ABAT: variants seen among roughly 807,000 people sequenced by gnomAD.
ABAT encodes the protein 4-aminobutyrate aminotransferase, mitochondrial.
In ABAT, 45 loss-of-function variants were observed where a neutral mutation model predicts 64.6. The ratio of observed to expected loss-of-function variants is 0.70; its 90% CI spans 0.55 to 0.89. The LOEUF (loss-of-function observed/expected upper bound fraction) is 0.89, where lower values mean the gene tolerates loss of function less well. Among genes scored for constraint, ABAT ranks in the 40% least tolerant of loss-of-function variants. The pLI is 0.00. For synonymous variants in ABAT, 297 were observed against 250.5 expected (o/e 1.19, Z -1.75); for missense variants, 633 against 658.4 (o/e 0.96, Z 0.42).
At chr16:8,695,325 T>C (rs917308870) in intron 1 of ABAT, among the ~76,000 whole-genome samples, 1 of 152,352 alleles carries the variant, frequency 6.6e-6, no homozygotes, top group African/African-American at 2.4e-5. Context: ...AGATGGTTCA[T>C]ACTGGTTAAG....
chr16:8,712,947 C>G (rs538295740), intron 1 of ABAT: 6 of 152,432 alleles, frequency 3.9e-5, no homozygotes, highest in Admixed American at 2.0e-4. Context: ...CTCTGCCCCC[C>G]CAACCCCATA....
intron 6 of ABAT, among the ~76,000 whole-genome samples, chr16:8,758,390 C>A (rs1476425610): frequency 1.3e-5 from 2 of 152,076 alleles, no homozygotes; most frequent in African/African-American, 4.8e-5. Context: ...TCTGGCAGGC[C>A]ACGAGTCGGG....
intron 1 of ABAT, among the ~76,000 whole-genome samples, chr16:8,686,005 C>T (rs550513627): frequency 4.0e-4 from 61 of 152,280 alleles, no homozygotes; most frequent in Admixed American, 1.6e-3. Context: ...ACAGCCAATC[C>T]CAGGGGCAGA....
chr16:8,744,308 G>C (rs539573975), intron 2 of ABAT, among the ~76,000 whole-genome samples: 1 of 152,056 alleles, frequency 6.6e-6, no homozygotes, highest in Admixed American at 6.6e-5. Context: ...GAAGGCAAAG[G>C]GCAAGCGAGG....
chr16:8,750,077 T>G (rs2059435322), intron 4 of ABAT, among the ~76,000 whole-genome samples: 1 of 152,254 alleles, frequency 6.6e-6, no homozygotes, highest in African/African-American at 2.4e-5. Flanking sequence ...TTTTATTTCT[T>G]TAATGATTAC....
At chr16:8,697,667 G>C (rs141924077) in intron 1 of ABAT, among the ~76,000 whole-genome samples, 3,313 of 151,012 alleles carry the variant, frequency 0.022, 110 homozygotes, top group African/African-American at 0.076. Context: ...ATGGGGTCTT[G>C]CTCTGTCACC....
At chr16:8,768,469 C>T (rs908254303) in intron 10 of ABAT, among the ~76,000 whole-genome samples, 5 of 152,116 alleles carry the variant, frequency 3.3e-5, no homozygotes, top group Admixed American at 6.6e-5. Flanking sequence ...GTGACAGAGC[C>T]GGGACTGGAA....
At chr16:8,716,498 G>GT (rs1241047838) in intron 1 of ABAT, among the ~76,000 whole-genome samples, 1 of 152,088 alleles carries the variant, frequency 6.6e-6, no homozygotes, top group African/African-American at 2.4e-5. Context: ...CCTGAAGGGT[G>GT]TTTTTTCTTC....
At position 8,776,407 on chromosome 16, in the gene ABAT, A is replaced by G. The variant is rs150914629; in HGVS notation, c.1186A>G (p.Ile396Val). The change falls in exon 14 of 16, where the codon ATC becomes GTC. Residue 396 changes from isoleucine to valine, a missense_variant. By Grantham distance (29) the Ile-to-Val change is conservative. Transcript: ENST00000268251. The surrounding 1 kb of genome is among the most constrained non-coding windows in gnomAD (Gnocchi z 4.4). ...PSKNLLLAEVINIIKREDLLN... is the reference protein window; with the variant it reads ...PSKNLLLAEVVNIIKREDLLN... The stretch of plus-strand genomic sequence containing the variant: ...CAAGAACCTGTTGCTGGCTGAGGTC[A>G]TCAACATCATCAAGCGGGAGGACCT... 329 of 1,614,202 alleles carry G rather than the reference A, an allele frequency of 2.0e-4. 1 individual carries two copies. In the African/African-American group the frequency reaches 3.9e-3, roughly 19 times the overall value.
intron 5 of ABAT, among the ~76,000 whole-genome samples, chr16:8,753,732 G>C (rs943351486): frequency 6.6e-6 from 1 of 152,098 alleles, no homozygotes; most frequent in Non-Finnish European, 1.5e-5. Flanking sequence ...TCAGTCTTGG[G>C]GCCAGCGTGT....
chr16:8,722,601 T>C (rs908150147), intron 1 of ABAT, among the ~76,000 whole-genome samples: 1 of 152,042 alleles, frequency 6.6e-6, no homozygotes. Flanking sequence ...GGGAAATGCA[T>C]GGGGGAGATT....
At chr16:8,733,634 G>C (rs577819821) in intron 1 of ABAT, among the ~76,000 whole-genome samples, 7 of 152,004 alleles carry the variant, frequency 4.6e-5, no homozygotes, top group South Asian at 2.1e-4. Flanking sequence ...GCTGGAGACC[G>C]GCCTGGCCAA....
intron 5 of ABAT, among the ~76,000 whole-genome samples, chr16:8,751,513 A>G (rs1320184161): frequency 6.6e-6 from 1 of 152,174 alleles, no homozygotes; most frequent in African/African-American, 2.4e-5. Context: ...AGAACTATCC[A>G]CAGCCTGACC....
intron 5 of ABAT, among the ~76,000 whole-genome samples, chr16:8,755,048 C>G (rs867553759): frequency 6.6e-6 from 1 of 152,186 alleles, no homozygotes; most frequent in African/African-American, 2.4e-5. Context: ...GCTTCTTACT[C>G]TTTGGGGCAC....
intron 1 of ABAT, among the ~76,000 whole-genome samples, chr16:8,680,904 A>G (rs1012680617): frequency 1.3e-4 from 20 of 151,786 alleles, no homozygotes; most frequent in African/African-American, 4.8e-4. Flanking sequence ...CCATTTTTGA[A>G]TTGAGTTGTC....
intron 1 of ABAT, among the ~76,000 whole-genome samples, chr16:8,690,080 A>G (rs185007226): frequency 2.0e-5 from 3 of 152,322 alleles, no homozygotes; most frequent in African/African-American, 7.2e-5. Context: ...CCCTGGAGTG[A>G]CACATCAGTT....
At chr16:8,708,258 A>G (rs2057992785) in intron 1 of ABAT, among the ~76,000 whole-genome samples, 1 of 152,050 alleles carries the variant, frequency 6.6e-6, no homozygotes. Context: ...CAGACTTTTT[A>G]ACTCAAGAGA....
At chr16:8,706,874 A>G (rs557138145) in intron 1 of ABAT, among the ~76,000 whole-genome samples, 1 of 152,272 alleles carries the variant, frequency 6.6e-6, no homozygotes, top group African/African-American at 2.4e-5. Context: ...TTGCGACCTG[A>G]GTGATTCCTA....
intron 1 of ABAT, among the ~76,000 whole-genome samples, chr16:8,729,795 C>T (rs76051559): frequency 7.0e-6 from 1 of 142,540 alleles, no homozygotes; most frequent in South Asian, 2.3e-4. Context: ...CCACTGCTCT[C>T]TAGTCTTTCT....
Sources: gnomAD v4.1 joint callset for allele counts (sites outside exome capture counted in the v4.1 genomes callset) on GRCh38, gnomAD v4.1.1 for gene constraint, Gnocchi (gnomAD v3.1) non-coding constraint, MANE v1.5 for transcripts, NCBI Gene and HGNC (gene_info 2026-07-23, HGNC 2026-07-21) for gene names.